The following DIAPH2 variants were observed in gnomAD, a reference collection of about 807,000 sequenced individuals.
DIAPH2 encodes the protein protein diaphanous homolog 2.
A neutral mutation model predicts 92.7 loss-of-function variants in DIAPH2; 35 were observed. The observed-to-expected ratio is 0.38, with a 90% CI of 0.29 to 0.50. The LOEUF (loss-of-function observed/expected upper bound fraction) is 0.50, where lower values mean the gene tolerates loss of function less well. DIAPH2 is among the 20% of genes least tolerant of loss of function. The probability of loss-of-function intolerance (pLI) is 0.94; values close to 1 mark genes in which losing one functional copy is unlikely to be tolerated. For synonymous variants in DIAPH2, 301 were observed against 280.4 expected, an observed-to-expected ratio of 1.07 and a Z score of -0.73; for missense variants, 701 against 819.5, an observed-to-expected ratio of 0.86 and a Z score of 1.77.
intron 23 of DIAPH2, among the ~76,000 whole-genome samples, chrX:97,248,327 T>C (rs2068159267): frequency 9.0e-6 from 1 of 111,437 alleles, no homozygotes; most frequent in African/African-American, 3.3e-5. Context: ...GTTGGATGGA[T>C]AGACGAATTG....
chrX:96,853,120 C>T (rs1321146262), intron 4 of DIAPH2, among the ~76,000 whole-genome samples: 1 of 111,441 alleles, frequency 9.0e-6, no homozygotes, highest in Admixed American at 9.6e-5. Flanking sequence ...TCCATTATAC[C>T]ATTCTGAAGA....
chrX:97,537,230 C>G (rs2071103313), intron 26 of DIAPH2, among the ~76,000 whole-genome samples: 1 of 111,500 alleles, frequency 9.0e-6, no homozygotes, highest in Non-Finnish European at 1.9e-5. Context: ...GCAATGTTTA[C>G]AAGTAGCCCA....
intron 23 of DIAPH2, among the ~76,000 whole-genome samples, chrX:97,338,599 A>G (rs2069085945): frequency 8.9e-6 from 1 of 112,234 alleles, no homozygotes; most frequent in Admixed American, 9.5e-5. Flanking sequence ...GTGGATCTCA[A>G]GTTGATTTTT....
intron 4 of DIAPH2, among the ~76,000 whole-genome samples, chrX:96,863,932 G>C (rs1335570829): frequency 2.7e-5 from 3 of 110,465 alleles, no homozygotes; most frequent in African/African-American, 9.9e-5. Context: ...GCATGGTGGT[G>C]CGCACCTATT....
chrX:96,699,769 C>T (rs1473819851), intron 1 of DIAPH2, among the ~76,000 whole-genome samples: 2 of 111,420 alleles, frequency 1.8e-5, no homozygotes, highest in African/African-American at 6.5e-5. Context: ...CATTGATTCC[C>T]GCCAATTTTA....
intron 4 of DIAPH2, among the ~76,000 whole-genome samples, chrX:96,866,325 A>G (rs1421941935): frequency 1.8e-5 from 2 of 111,604 alleles, no homozygotes; most frequent in African/African-American, 3.3e-5. Flanking sequence ...AACATGCCCC[A>G]ATTTTTAAAA....
intron 23 of DIAPH2, among the ~76,000 whole-genome samples, chrX:97,277,054 G>A (rs978689646): frequency 8.9e-6 from 1 of 112,387 alleles, no homozygotes; most frequent in Admixed American, 9.4e-5. Flanking sequence ...GAGGCATGTG[G>A]GGCTGGGAGC....
intron 17 of DIAPH2, among the ~76,000 whole-genome samples, chrX:96,973,452 C>T (rs777689698): frequency 4.5e-5 from 5 of 111,503 alleles, no homozygotes; most frequent in East Asian, 5.7e-4. Flanking sequence ...GAGCCGTGAT[C>T]GTGCTCCTGC....
rs184582685 is a variant in DIAPH2, at chrX:97,025,952, A to G, written c.2051-46989A>G. ...TCTAGGATCCAGTAGAGACTTAGGT[A>G]TCAACACCAAGTATGGCATTACCTT... is the stretch of plus-strand genomic sequence containing the variant. On this transcript the variant is annotated intron_variant, in intron 17 of 26. Transcript: ENST00000324765. Among the ~76,000 whole-genome samples the G allele has an allele frequency of 8.0e-5, 9 of 111,851 alleles. No homozygotes were observed. In the Admixed American group the frequency reaches 8.5e-4, roughly 11 times the overall value.
intron 10 of DIAPH2, among the ~76,000 whole-genome samples, chrX:96,933,417 TCTC>T (rs1380662760): frequency 2.2e-4 from 23 of 106,284 alleles, no homozygotes; most frequent in African/African-American, 7.9e-4. Flanking sequence ...GCAGCCTCAA[TCTC>T]CTGTGCTCAA....
chrX:97,091,624 TTTTTCACCCTTGTTCTGAAAATATA>T (rs1682665690), intron 19 of DIAPH2, among the ~76,000 whole-genome samples: 1 of 111,375 alleles, frequency 9.0e-6, no homozygotes, highest in Non-Finnish European at 1.9e-5. Flanking sequence ...CTAATTATTT[TTTTTCACCCTTGTTCTGAAAATATA>T]TTTTCACTGG....
At chrX:97,567,754 T>A (rs2071337127) in intron 26 of DIAPH2, among the ~76,000 whole-genome samples, 1 of 111,333 alleles carries the variant, frequency 9.0e-6, no homozygotes, top group Non-Finnish European at 1.9e-5. Flanking sequence ...TAAAATAAAT[T>A]TGTAGGAAGC....
At chrX:96,728,057 G>GT (rs377221453) in intron 1 of DIAPH2, among the ~76,000 whole-genome samples, 5 of 96,508 alleles carry the variant, frequency 5.2e-5, no homozygotes, top group Non-Finnish European at 1.0e-4. Context: ...AAAAAAAAAA[G>GT]AAAAAAAAAA....
At chrX:96,932,349 A>G (rs1250279746) in intron 10 of DIAPH2, among the ~76,000 whole-genome samples, 2 of 111,195 alleles carry the variant, frequency 1.8e-5, no homozygotes, top group Admixed American at 1.9e-4. Flanking sequence ...ATACTACTGA[A>G]TGGCTAGTCA....
intron 25 of DIAPH2, among the ~76,000 whole-genome samples, chrX:97,396,902 T>A (rs1300440790): frequency 8.9e-6 from 1 of 111,869 alleles, no homozygotes; most frequent in African/African-American, 3.3e-5. Context: ...CTTCATGTAG[T>A]CCCATAGGTG....
In DIAPH2 at chrX:97,185,501, A is replaced by G. The variant is rs1466127952; in HGVS notation, c.2719+43707A>G. ...TATATATATATATATATATATATATATATATATATATATATATATCTCACT... is the reference window on the plus strand; with the variant it reads ...TATATATATATATATATATATATATGTATATATATATATATATATCTCACT... On this transcript the variant is annotated intron_variant, in intron 22 of 26. Transcript: ENST00000324765. Among the ~76,000 whole-genome samples, 41 of 56,827 alleles carry G rather than the reference A, an allele frequency of 7.2e-4. 1 individual carries two copies. The highest frequency in any genetic ancestry group is 2.8e-3 in the African/African-American group (41 of 14,386). The allele number at this position is 56,827 out of a possible 115,157, so 49.3% of individuals were successfully genotyped here.
chrX:97,371,902 CAA>C (rs1438892099), intron 24 of DIAPH2, among the ~76,000 whole-genome samples: 1 of 111,889 alleles, frequency 8.9e-6, no homozygotes, highest in Non-Finnish European at 1.9e-5. Context: ...TCCTTTGGTT[CAA>C]AAAATTGTAA....
chrX:96,875,044 G>T (rs759499077), intron 4 of DIAPH2, among the ~76,000 whole-genome samples: 2 of 111,845 alleles, frequency 1.8e-5, no homozygotes, highest in Non-Finnish European at 3.8e-5. Flanking sequence ...ATAAAATGTG[G>T]CCAAAACTTT....
chrX:96,856,949 G>A (rs2065044278), intron 4 of DIAPH2, among the ~76,000 whole-genome samples: 1 of 110,042 alleles, frequency 9.1e-6, no homozygotes, highest in Admixed American at 9.8e-5. Context: ...TGAGGCAAGA[G>A]AATCGCTTGA....
Sources: gnomAD v4.1 joint callset for allele counts (sites outside exome capture counted in the v4.1 genomes callset) on GRCh38, gnomAD v4.1.1 for gene constraint, MANE v1.5 for transcripts, NCBI Gene and HGNC (gene_info 2026-07-23, HGNC 2026-07-21) for gene names.